The following DOCK10 variants were observed in gnomAD, a reference collection of about 807,000 sequenced individuals.
The protein encoded by DOCK10 is dedicator of cytokinesis protein 10.
Under a neutral mutation model 280.1 loss-of-function variants are expected in DOCK10, and 145 were observed. The observed-to-expected ratio is 0.52, with a 90% CI of 0.45 to 0.59. The LOEUF (loss-of-function observed/expected upper bound fraction) is 0.59, where lower values mean the gene tolerates loss of function less well. DOCK10 is among the 20% of genes least tolerant of loss of function. The pLI is 0.00. For missense variants in DOCK10, 2,368 were observed against 2,651.7 expected, an observed-to-expected ratio of 0.89 and a Z score of 2.35; for synonymous variants, 915 against 942.2, an observed-to-expected ratio of 0.97 and a Z score of 0.53.
chr2:224,976,353 TAACA>T (rs1392370481), intron 1 of DOCK10, among the ~76,000 whole-genome samples: 1 of 152,150 alleles, frequency 6.6e-6, no homozygotes. Flanking sequence ...TATACCTGTG[TAACA>T]AACCTGCACG....
rs370141899 is a variant in DOCK10 at position 224,865,072 on chromosome 2, C to A, written c.1273G>T (p.Val425Leu). Residue 425 changes from valine to leucine, a missense_variant, in exon 12 of 56, where the codon GTG becomes TTG. This residue lies in a region of DOCK10 where 1,209 missense variants were observed against 1,250.9 expected (regional missense o/e 0.97). Transcript: ENST00000258390. ...DPITNIEPFF[V>L]SVALYDLRDS... ...CTGAGGTCATAAAGTGCCACACTCA[C>A]AAAAAAAGGCTCAATCTGCATGAAA... 7 of 1,607,968 alleles carry A rather than the reference C, an allele frequency of 4.4e-6. No homozygotes were observed. Among genetic ancestry groups the A allele is most frequent in the South Asian group, 1.1e-5 (1 of 89,560 alleles).
At position 224,797,766 on chromosome 2, in the gene DOCK10, A is replaced by G. The variant is rs1692684389; in HGVS notation, c.4644+66T>C. ...TACTGAGAAACGCAAGGATTCCTATAGGTTTACTATTCTATGGGTTTACTG... is the reference window on the plus strand; with the variant it reads ...TACTGAGAAACGCAAGGATTCCTATGGGTTTACTATTCTATGGGTTTACTG... On this transcript the variant is annotated intron_variant, in intron 42 of 55. Coordinates refer to ENST00000258390, the MANE Select transcript of DOCK10 (RefSeq NM_014689.3). 25 of 1,532,122 alleles carry G rather than the reference A, an allele frequency of 1.6e-5. No homozygotes were observed. The South Asian group carries it at 3.1e-4, about 19-fold the overall frequency. 94.9% of individuals were successfully genotyped at this position (1,532,122 alleles called of 1,614,324 possible). A position where few individuals can be genotyped will look rare whatever the true frequency, so the allele number is the denominator to read the frequency against.
chr2:224,908,779 A>G (rs55672639), intron 3 of DOCK10, among the ~76,000 whole-genome samples: 31,956 of 152,026 alleles, frequency 0.21, 3,499 homozygotes, highest in African/African-American at 0.28. Flanking sequence ...TTACTGGTAT[A>G]AGCCATTGCA....
intron 29 of DOCK10, among the ~76,000 whole-genome samples, chr2:224,818,033 G>A (rs905292730): frequency 1.3e-5 from 2 of 152,200 alleles, no homozygotes; most frequent in African/African-American, 4.8e-5. Flanking sequence ...CCCAAAGCAG[G>A]TTGCTCACAC....
intron 29 of DOCK10, 32 bp downstream of exon 29, chr2:224,819,414 A>G: frequency 2.1e-6 from 3 of 1,404,556 alleles, no homozygotes; most frequent in Non-Finnish European, 3.0e-6. Context: ...GCCATAGTTT[A>G]GAAAACAATC....
At chr2:224,790,047 T>C (rs1574826048) in intron 47 of DOCK10, among the ~76,000 whole-genome samples, 1 of 152,130 alleles carries the variant, frequency 6.6e-6, no homozygotes, top group African/African-American at 2.4e-5. Flanking sequence ...TCCTGAAGTG[T>C]TGGGATTACA....
intron 1 of DOCK10, among the ~76,000 whole-genome samples, chr2:224,944,651 G>A (rs1703293380): frequency 6.6e-6 from 1 of 152,196 alleles, no homozygotes; most frequent in Non-Finnish European, 1.5e-5. Flanking sequence ...ACTTCCTCAG[G>A]ATATCTGTTT....
At chr2:225,008,045 G>A (rs1396983034) in intron 1 of DOCK10, among the ~76,000 whole-genome samples, 1 of 152,096 alleles carries the variant, frequency 6.6e-6, no homozygotes, top group Non-Finnish European at 1.5e-5. Flanking sequence ...ACCCAAAGGA[G>A]TAGAGTTAAA....
chr2:224,929,970 A>G (rs930983335), intron 2 of DOCK10, among the ~76,000 whole-genome samples: 59 of 152,038 alleles, frequency 3.9e-4, no homozygotes, highest in Non-Finnish European at 4.4e-5. Context: ...TGAGGCCGAG[A>G]TGGGTGGATC....
chr2:224,778,562 G>A (rs1691044997), intron 50 of DOCK10: 1 of 424,828 alleles, frequency 2.4e-6, no homozygotes, highest in Non-Finnish European at 4.3e-6. Context: ...AGAACTCAAT[G>A]GTACTACCTA....
At chr2:224,919,010 T>G (rs1028503548) in intron 2 of DOCK10, among the ~76,000 whole-genome samples, 1 of 144,594 alleles carries the variant, frequency 6.9e-6, no homozygotes, top group South Asian at 2.2e-4. Flanking sequence ...GTATGTGTGA[T>G]GTATATACGC....
intron 1 of DOCK10, among the ~76,000 whole-genome samples, chr2:224,956,183 T>C (rs974747249): frequency 6.6e-6 from 1 of 152,226 alleles, no homozygotes; most frequent in Non-Finnish European, 1.5e-5. Flanking sequence ...AGTAGGACTT[T>C]GAAAGTTACT....
chr2:224,823,177 G>A (rs941243687), intron 28 of DOCK10, among the ~76,000 whole-genome samples: 1 of 151,670 alleles, frequency 6.6e-6, no homozygotes, highest in Non-Finnish European at 1.5e-5. Context: ...TAGTAGACAC[G>A]GGGTTTCACC....
intron 1 of DOCK10, among the ~76,000 whole-genome samples, chr2:225,005,103 T>C (rs952834989): frequency 6.6e-6 from 1 of 152,256 alleles, no homozygotes; most frequent in African/African-American, 2.4e-5. Flanking sequence ...AGACCTCATG[T>C]TCTCTTTGGA....
At chr2:225,032,624 T>C (rs768859589) in intron 1 of DOCK10, among the ~76,000 whole-genome samples, 1 of 152,240 alleles carries the variant, frequency 6.6e-6, no homozygotes, top group African/African-American at 2.4e-5. Context: ...ACATTTGCAG[T>C]ATCTTCAAAA....
chr2:224,819,408 T>G (rs750882443), intron 29 of DOCK10, 38 bp downstream of exon 29: 1 of 1,334,386 alleles, frequency 7.5e-7, no homozygotes, highest in Non-Finnish European at 1.1e-6. Context: ...TACAATGCCA[T>G]AGTTTAGAAA....
At chr2:224,856,548 C>G (rs1463424678) in intron 15 of DOCK10, among the ~76,000 whole-genome samples, 1 of 152,180 alleles carries the variant, frequency 6.6e-6, no homozygotes, top group Non-Finnish European at 1.5e-5. Context: ...TCTTCTCACT[C>G]AGATGTGCTC....
chr2:225,005,765 G>C (rs1559950302), intron 1 of DOCK10, among the ~76,000 whole-genome samples: 1 of 152,160 alleles, frequency 6.6e-6, no homozygotes, highest in Non-Finnish European at 1.5e-5. Flanking sequence ...CAAGCGTTAT[G>C]GACAAACTAA....
intron 19 of DOCK10, among the ~76,000 whole-genome samples, chr2:224,847,642 A>G (rs949637361): frequency 6.6e-6 from 1 of 152,226 alleles, no homozygotes; most frequent in African/African-American, 2.4e-5. Context: ...TTGGCCAACC[A>G]ATAGCAGTAA....
Sources: gnomAD v4.1 joint callset for allele counts (sites outside exome capture counted in the v4.1 genomes callset) on GRCh38, gnomAD v4.1.1 for gene constraint, gnomAD v4.1.1 regional missense constraint, MANE v1.5 for transcripts, NCBI Gene and HGNC (gene_info 2026-07-23, HGNC 2026-07-21) for gene names.